ENPP3: variants seen among roughly 807,000 people sequenced by gnomAD.
ENPP3 encodes the protein ectonucleotide pyrophosphatase/phosphodiesterase 3.
Under a neutral mutation model 117.8 loss-of-function variants are expected in ENPP3, and 104 were observed. The ratio of observed to expected loss-of-function variants is 0.88; its 90% CI spans 0.75 to 1.04. The LOEUF is 1.04. ENPP3 is among the 50% of genes least tolerant of loss of function. The pLI, the probability that ENPP3 is intolerant of heterozygous loss-of-function variation, is 0.00. For synonymous variants in ENPP3, 380 were observed against 349.9 expected, an observed-to-expected ratio of 1.09 and a Z score of -0.96; for missense variants, 1,026 against 1,051.9, an observed-to-expected ratio of 0.98 and a Z score of 0.34.
Position 131,693,755 on chromosome 6 carries a change from T to C in ENPP3, c.1412+131T>C, listed in dbSNP as rs1046540379. 13 of 864,844 alleles carry C rather than the reference T, an allele frequency of 1.5e-5. No homozygotes were observed. In the South Asian group the frequency reaches 2.1e-4, roughly 14 times the overall value. 53.6% of individuals were successfully genotyped at this position (864,844 alleles called of 1,614,324 possible). ...GCATTGACATTTTCTGGCCTTTTTG[T>C]ATGCTATTTAGCAGTTCTGCATTTG... On this transcript the variant is annotated intron_variant, in intron 15 of 24. Coordinates refer to ENST00000357639, the MANE Select transcript of ENPP3 (RefSeq NM_005021.5).
At position 131,651,789 on chromosome 6, in the gene ENPP3, T is replaced by A. The variant is rs148932866; in HGVS notation, c.278-753T>A. Among the ~76,000 whole-genome samples the A allele has an allele frequency of 9.8e-3, 1,486 of 152,336 alleles. 13 individuals are homozygous for A. Among genetic ancestry groups the A allele is most frequent in the Non-Finnish European group, 0.016 (1,083 of 68,024 alleles). On this transcript the variant is annotated intron_variant, in intron 3 of 24. Transcript: ENST00000357639. ...TATAGATAGAGATCTGTGTTCCCTT[T>A]ACTTAATCTCCAAAAATCTTCTGTT...
chr6:131,710,143 T>A (rs1779748360), intron 15 of ENPP3: 37 of 1,613,834 alleles, frequency 2.3e-5, no homozygotes, highest in Non-Finnish European at 3.1e-5. Flanking sequence ...TAATTCCAGG[T>A]TATCATCATC....
intron 3 of ENPP3, among the ~76,000 whole-genome samples, chr6:131,650,925 A>AT (rs35451980): frequency 0.014 from 2,115 of 147,812 alleles, 47 homozygotes; most frequent in African/African-American, 0.046. Flanking sequence ...TTTACAAGTA[A>AT]TTTTTTTTTT....
chr6:131,663,502 C>T (rs112482445), intron 6 of ENPP3, among the ~76,000 whole-genome samples: 2 of 100,570 alleles, frequency 2.0e-5, no homozygotes, highest in Middle Eastern at 8.2e-3. Context: ...GCCTGAGCAA[C>T]AAAGTGAAAC....
intron 9 of ENPP3, 42 bp from the exon 10 acceptor site, chr6:131,676,694 T>G: frequency 7.8e-7 from 1 of 1,283,648 alleles, no homozygotes; most frequent in Non-Finnish European, 1.1e-6. Context: ...TTATTCTTGA[T>G]TTGATTCATT....
intron 11 of ENPP3, among the ~76,000 whole-genome samples, chr6:131,681,349 G>A (rs575007142): frequency 3.9e-5 from 6 of 152,186 alleles, no homozygotes; most frequent in Admixed American, 2.0e-4. Context: ...TTGCTGTGAG[G>A]ATTTCAAGAG....
chr6:131,698,874 A>C (rs1779463053), intron 15 of ENPP3, among the ~76,000 whole-genome samples: 1 of 88,582 alleles, frequency 1.1e-5, no homozygotes, highest in Non-Finnish European at 2.2e-5. Context: ...CTTTATAAAA[A>C]GTATACCATA....
At chr6:131,693,346 A>G in intron 14 of ENPP3, 151 bp from the exon 15 acceptor site, 2 of 630,290 alleles carry the variant, frequency 3.2e-6, no homozygotes, top group South Asian at 2.2e-5. Flanking sequence ...ATCTGACTAC[A>G]TTGATAATAG....
intron 18 of ENPP3, 42 bp from the exon 19 acceptor site, chr6:131,723,998 T>G (rs374790638): frequency 1.6e-5 from 24 of 1,463,750 alleles, no homozygotes; most frequent in Non-Finnish European, 1.7e-5. Flanking sequence ...ATTGTTGCTT[T>G]GACTTATTTC....
intron 6 of ENPP3, among the ~76,000 whole-genome samples, chr6:131,670,783 G>A (rs771090416): frequency 2.0e-4 from 30 of 152,158 alleles, no homozygotes; most frequent in Non-Finnish European, 3.1e-4. Context: ...TGAGCCTCTG[G>A]GCCTAGTCTG....
rs375893474 is a variant in ENPP3 at position 131,649,945 on chromosome 6, A to G, written c.155-82A>G. ...TTGTCTGTCATAGTCTGTGCTGTGT[A>G]CTTCCTGTGTGCTTCCACTGCTTAG... On this transcript the variant is annotated intron_variant, in intron 2 of 24. Coordinates refer to ENST00000357639, the MANE Select transcript of ENPP3 (RefSeq NM_005021.5). The G allele has an allele frequency of 6.2e-6, 9 of 1,445,986 alleles. No homozygotes were observed. The Admixed American group carries it at 1.2e-4, about 19-fold the overall frequency. 89.6% of individuals were successfully genotyped at this position (1,445,986 alleles called of 1,614,324 possible).
At chr6:131,742,579 A>G (rs1006996633) in intron 24 of ENPP3, among the ~76,000 whole-genome samples, 17 of 152,110 alleles carry the variant, frequency 1.1e-4, no homozygotes, top group Non-Finnish European at 5.9e-5. Context: ...CTCTCACCCC[A>G]AAACTTCTGA....
At chr6:131,679,038 T>TTTCC (rs1778957029) in intron 11 of ENPP3, among the ~76,000 whole-genome samples, 1 of 109,344 alleles carries the variant, frequency 9.1e-6, no homozygotes, top group Admixed American at 9.8e-5. Flanking sequence ...TCTTTCTTTC[T>TTTCC]TTCTTTCTTT....
intron 2 of ENPP3, among the ~76,000 whole-genome samples, chr6:131,643,681 A>T (rs540366256): frequency 6.6e-6 from 1 of 152,178 alleles, no homozygotes; most frequent in East Asian, 1.9e-4. Context: ...GAGTTTTAAA[A>T]TTTGTGCATG....
At chr6:131,723,823 T>A (rs1170560885) in intron 18 of ENPP3, among the ~76,000 whole-genome samples, 1 of 143,078 alleles carries the variant, frequency 7.0e-6, no homozygotes, top group African/African-American at 2.9e-5. Context: ...TCTCTCTCTC[T>A]CTCTCACACA....
At chr6:131,679,035 T>TCTCTC (rs1778956404) in intron 11 of ENPP3, among the ~76,000 whole-genome samples, 1 of 105,340 alleles carries the variant, frequency 9.5e-6, no homozygotes, top group African/African-American at 4.7e-5. Flanking sequence ...CCTTCTTTCT[T>TCTCTC]TCTTTCTTTC....
chr6:131,746,714 G>C (rs1011023011), intron 24 of ENPP3, 72 bp from the exon 25 acceptor site: 1 of 1,357,866 alleles, frequency 7.4e-7, no homozygotes, highest in Non-Finnish European at 1.0e-6. Context: ...CAACTTCTAA[G>C]CAATAAAAAT....
At chr6:131,741,273 T>C (rs889889730) in intron 24 of ENPP3, among the ~76,000 whole-genome samples, 5 of 152,198 alleles carry the variant, frequency 3.3e-5, no homozygotes, top group Non-Finnish European at 5.9e-5. Context: ...AGAAACTCTT[T>C]AGAATGCACA....
At chr6:131,701,395 C>T in intron 15 of ENPP3, 1 of 1,613,872 alleles carries the variant, frequency 6.2e-7, no homozygotes. Context: ...GTTATATTGT[C>T]TCCCATATCC....
Sources: gnomAD v4.1 joint callset for allele counts (sites outside exome capture counted in the v4.1 genomes callset) on GRCh38, gnomAD v4.1.1 for gene constraint, MANE v1.5 for transcripts, NCBI Gene and HGNC (gene_info 2026-07-23, HGNC 2026-07-21) for gene names.